The following KDM4C variants were observed in gnomAD, a reference collection of about 807,000 sequenced individuals.
The protein encoded by KDM4C is lysine-specific demethylase 4C.
KDM4C carries 81 observed loss-of-function variants against 129.3 expected under a neutral mutation model. The ratio of observed to expected loss-of-function variants is 0.63; its 90% confidence interval spans 0.52 to 0.75. The LOEUF is 0.75. Ranked by LOEUF, KDM4C falls within the 30% of genes least tolerant of loss-of-function variation. The pLI is 0.00. For synonymous variants in KDM4C, 573 were observed against 456.1 expected, an observed-to-expected ratio of 1.26 and a Z score of -3.26; for missense variants, 1,457 against 1,304.0, an observed-to-expected ratio of 1.12 and a Z score of -1.81.
intron 8 of KDM4C, among the ~76,000 whole-genome samples, chr9:6,932,665 C>T (rs971667487): frequency 1.3e-5 from 2 of 152,196 alleles, no homozygotes; most frequent in Non-Finnish European, 2.9e-5. Context: ...CAGAGCCAAA[C>T]TGCAACCCGT....
chr9:6,906,391 A>G (rs903072815), intron 8 of KDM4C, among the ~76,000 whole-genome samples: 5 of 152,200 alleles, frequency 3.3e-5, no homozygotes, highest in African/African-American at 9.7e-5. Context: ...TACCGTTCCT[A>G]AGTACCTGTT....
At chr9:6,887,858 T>G (rs1845527194) in intron 6 of KDM4C, 102 bp from the exon 7 acceptor site, 2 of 738,112 alleles carry the variant, frequency 2.7e-6, no homozygotes, top group East Asian at 5.4e-5. Context: ...CATACTTGCA[T>G]AAGTCAAACA....
At chr9:7,018,676 C>G (rs1457767393) in intron 15 of KDM4C, among the ~76,000 whole-genome samples, 1 of 152,230 alleles carries the variant, frequency 6.6e-6, no homozygotes, top group African/African-American at 2.4e-5. Context: ...TCCTGTTGTC[C>G]AAGGTACCAT....
intron 17 of KDM4C, among the ~76,000 whole-genome samples, chr9:7,089,591 A>G (rs888005363): frequency 6.6e-6 from 1 of 152,232 alleles, no homozygotes; most frequent in Non-Finnish European, 1.5e-5. Context: ...CTTGTGAGGT[A>G]TAATATGAAA....
At chr9:6,958,135 CAG>C (rs960158943) in intron 8 of KDM4C, among the ~76,000 whole-genome samples, 1 of 149,248 alleles carries the variant, frequency 6.7e-6, no homozygotes, top group Admixed American at 6.7e-5. Flanking sequence ...ATTGCAGGGA[CAG>C]AAAGTTTTTC....
intron 15 of KDM4C, among the ~76,000 whole-genome samples, chr9:7,032,827 A>T (rs983315448): frequency 1.3e-5 from 2 of 152,322 alleles, no homozygotes; most frequent in East Asian, 3.9e-4. Context: ...GTTTGTTTAC[A>T]TTGAAAATAA....
intron 17 of KDM4C, among the ~76,000 whole-genome samples, chr9:7,050,137 T>C (rs1291051473): frequency 2.0e-5 from 3 of 152,058 alleles, no homozygotes; most frequent in Non-Finnish European, 4.4e-5. Context: ...CCTACTGTAT[T>C]TTGTTTTCGG....
intron 8 of KDM4C, among the ~76,000 whole-genome samples, chr9:6,906,217 T>C (rs1357641587): frequency 2.0e-5 from 3 of 152,186 alleles, no homozygotes; most frequent in Non-Finnish European, 4.4e-5. Flanking sequence ...TTTCTCCGTT[T>C]GCTTTCTGGA....
At chr9:6,726,778 T>G (rs1817146258) in intron 1 of KDM4C, among the ~76,000 whole-genome samples, 1 of 152,090 alleles carries the variant, frequency 6.6e-6, no homozygotes, top group Non-Finnish European at 1.5e-5. Flanking sequence ...CTCTGTCTCC[T>G]AGGCTGGAGT....
chr9:6,924,106 G>T (rs997195162), intron 8 of KDM4C, among the ~76,000 whole-genome samples: 1 of 152,088 alleles, frequency 6.6e-6, no homozygotes, highest in Non-Finnish European at 1.5e-5. Context: ...TTTTCTAATA[G>T]CTGCTGGCTT....
At chr9:6,982,712 C>T (rs1208553435) in intron 9 of KDM4C, 1 of 152,202 alleles carries the variant, frequency 6.6e-6, no homozygotes. Context: ...GAGCATTGTT[C>T]TGTCATGGAT....
intron 5 of KDM4C, among the ~76,000 whole-genome samples, chr9:6,856,367 T>G (rs970879630): frequency 1.3e-4 from 20 of 152,200 alleles, no homozygotes. Context: ...TGCTATTTTG[T>G]CTAGAAAAAA....
intron 1 of KDM4C, among the ~76,000 whole-genome samples, chr9:6,741,373 C>T (rs1817686908): frequency 1.3e-5 from 2 of 151,968 alleles, no homozygotes; most frequent in Admixed American, 1.3e-4. Flanking sequence ...CCAGCCTGGG[C>T]AACAGAGCGA....
chr9:6,894,981 A>G (rs929356774), intron 8 of KDM4C, among the ~76,000 whole-genome samples: 1 of 152,240 alleles, frequency 6.6e-6, no homozygotes, highest in Non-Finnish European at 1.5e-5. Flanking sequence ...AGTAAGGGCT[A>G]TGACTGTTTT....
At chr9:6,914,674 A>C (rs1427051173) in intron 8 of KDM4C, among the ~76,000 whole-genome samples, 1 of 152,236 alleles carries the variant, frequency 6.6e-6, no homozygotes, top group Non-Finnish European at 1.5e-5. Context: ...GTAAATGATT[A>C]GGCATTGAGG....
In KDM4C at chr9:7,049,132, C is replaced by A; in HGVS notation, c.2356C>A (p.Arg786=). The A allele has an allele frequency of 6.2e-7, 1 of 1,612,472 alleles. No homozygotes were observed. The highest frequency in any genetic ancestry group is 1.1e-5 in the South Asian group (1 of 91,024). The change falls in exon 17 of 22, where the codon CGA becomes AGA. Residue 786 remains arginine, a synonymous_variant. Transcript: ENST00000381309. ...VMCAVAVPEV[R]FTNVPERTQI... ...GTGCGCCGTTGCGGTCCCAGAAGTT[C>A]GATTCACTAATGTCCCAGAAAGGAC... is the stretch of plus-strand genomic sequence containing the variant.
intron 1 of KDM4C, among the ~76,000 whole-genome samples, chr9:6,749,899 T>A (rs568797989): frequency 7.1e-6 from 1 of 140,946 alleles, no homozygotes; most frequent in East Asian, 2.1e-4. Context: ...GGCACAAGAA[T>A]CACTTGAACC....
intron 7 of KDM4C, among the ~76,000 whole-genome samples, chr9:6,890,538 G>C (rs1845971372): frequency 1.3e-5 from 2 of 152,014 alleles, no homozygotes; most frequent in Non-Finnish European, 2.9e-5. Flanking sequence ...CTCTTCTCTA[G>C]CTTCTTTTAT....
chr9:7,092,546 C>G (rs1451626669), intron 17 of KDM4C, among the ~76,000 whole-genome samples: 1 of 152,162 alleles, frequency 6.6e-6, no homozygotes, highest in Non-Finnish European at 1.5e-5. Context: ...CCACTTTGGC[C>G]TCACAGTTGA....
Sources: gnomAD v4.1 joint callset for allele counts (sites outside exome capture counted in the v4.1 genomes callset) on GRCh38, gnomAD v4.1.1 for gene constraint, MANE v1.5 for transcripts, NCBI Gene and HGNC (gene_info 2026-07-23, HGNC 2026-07-21) for gene names.